Variants in AKT3 observed in about 807,000 individuals in gnomAD.
AKT3 encodes AKT serine/threonine kinase 3, also known as RAC-gamma serine/threonine-protein kinase.
In AKT3, 15 loss-of-function variants were observed where a neutral mutation model predicts 65.3. The ratio of observed to expected loss-of-function variants is 0.23; its 90% CI spans 0.15 to 0.35. The LOEUF (loss-of-function observed/expected upper bound fraction) is 0.35. Among genes scored for constraint, AKT3 ranks in the 10% least tolerant of loss-of-function variants. AKT3 has a pLI of 1.00. For missense variants in AKT3, 243 were observed against 576.5 expected (o/e 0.42, Z 5.92); for synonymous variants, 206 against 183.8 (o/e 1.12, Z -0.98).
At chr1:243,818,304 T>C (rs1693650301) in intron 2 of AKT3, 2 of 152,220 alleles carry the variant, frequency 1.3e-5, no homozygotes, top group Non-Finnish European at 2.9e-5. Flanking sequence ...TAGGTACTAT[T>C]ACCCCCATTT....
intron 8 of AKT3, among the ~76,000 whole-genome samples, chr1:243,606,274 G>A (rs1677405117): frequency 6.6e-6 from 1 of 152,188 alleles, no homozygotes; most frequent in Non-Finnish European, 1.5e-5. Flanking sequence ...AGTATGGAGG[G>A]CTCAAAAGAA....
chr1:243,806,238 A>G (rs1692719142), intron 2 of AKT3, among the ~76,000 whole-genome samples: 1 of 152,184 alleles, frequency 6.6e-6, no homozygotes, highest in African/African-American at 2.4e-5. Context: ...AAATGATTTT[A>G]GGTTGCTATG....
intron 3 of AKT3, among the ~76,000 whole-genome samples, chr1:243,689,127 C>A (rs1211905342): frequency 6.6e-6 from 1 of 152,134 alleles, no homozygotes; most frequent in Non-Finnish European, 1.5e-5. Flanking sequence ...CCTCCCACTG[C>A]TATATGTTCT....
chr1:243,672,662 C>T (rs1027692391), intron 3 of AKT3, among the ~76,000 whole-genome samples: 1 of 152,152 alleles, frequency 6.6e-6, no homozygotes, highest in Non-Finnish European at 1.5e-5. Flanking sequence ...ACATGAAATA[C>T]TATTTATGAA....
intron 2 of AKT3, among the ~76,000 whole-genome samples, chr1:243,821,659 A>C (rs1436277215): frequency 6.6e-6 from 1 of 152,248 alleles, no homozygotes; most frequent in Non-Finnish European, 1.5e-5. Flanking sequence ...ACAGACTTTA[A>C]ACCAACAAAG....
intron 2 of AKT3, among the ~76,000 whole-genome samples, chr1:243,831,240 A>T (rs1694488638): frequency 6.6e-6 from 1 of 152,188 alleles, no homozygotes; most frequent in Admixed American, 6.5e-5. Flanking sequence ...ACAAAATATA[A>T]AGTTGTATTA....
At chr1:243,592,192 G>A (rs562516151) in intron 8 of AKT3, among the ~76,000 whole-genome samples, 2 of 152,092 alleles carry the variant, frequency 1.3e-5, no homozygotes, top group East Asian at 3.9e-4. Flanking sequence ...AAAATTAGCT[G>A]GGCTTGGTGG....
intron 3 of AKT3, among the ~76,000 whole-genome samples, chr1:243,686,510 C>A (rs1305798478): frequency 6.6e-6 from 1 of 150,890 alleles, no homozygotes; most frequent in Non-Finnish European, 1.5e-5. Flanking sequence ...TTCCTCCTCA[C>A]TCCAATGTAA....
rs191578422 is a variant in AKT3 at position 243,535,218 on chromosome 1, T to C, written c.1251+10292A>G. 9.3e-5 allele frequency among the ~76,000 whole-genome samples: 14 copies of C among 151,132 alleles called. No individual in the cohort carries two copies. In the East Asian group the frequency reaches 2.7e-3, roughly 29 times the overall value. The stretch of plus-strand genomic sequence containing the variant: ...AATATATTTTAAAATTATTTTAAAA[T>C]ATATTTTAAAAATTTCAATAGCTTT... On this transcript the variant is annotated intron_variant, in intron 12 of 13. Coordinates refer to ENST00000673466, the MANE Select transcript of AKT3 (RefSeq NM_005465.7).
chr1:243,665,229 C>T (rs759269329), intron 3 of AKT3, among the ~76,000 whole-genome samples: 29 of 152,196 alleles, frequency 1.9e-4, no homozygotes, highest in Non-Finnish European at 2.9e-4. Flanking sequence ...CACAATAGTA[C>T]TGATCCTTGA....
intron 3 of AKT3, among the ~76,000 whole-genome samples, chr1:243,670,892 TAG>T (rs1051849709): frequency 2.0e-5 from 3 of 152,052 alleles, no homozygotes; most frequent in South Asian, 2.1e-4. Context: ...GAAACCCAAT[TAG>T]AGAGACTGCA....
At chr1:243,770,448 C>T (rs1033825035) in intron 2 of AKT3, among the ~76,000 whole-genome samples, 29 of 152,030 alleles carry the variant, frequency 1.9e-4, no homozygotes, top group Non-Finnish European at 3.5e-4. Context: ...AGAGCTCTTG[C>T]CATAGTATCA....
chr1:243,734,848 C>T (rs796090116), intron 2 of AKT3: 2 of 152,196 alleles, frequency 1.3e-5, no homozygotes, highest in South Asian at 2.1e-4. Context: ...TACAGCTGTA[C>T]AAAAGTATTT....
chr1:243,608,838 C>T (rs866533245), intron 8 of AKT3, among the ~76,000 whole-genome samples: 19 of 145,232 alleles, frequency 1.3e-4, no homozygotes, highest in Admixed American at 7.2e-5. Context: ...CTGCACCCTC[C>T]GCCTCCTGGG....
chr1:243,505,467 A>G, intron 13 of AKT3, 133 bp from the exon 14 acceptor site: 3 of 679,034 alleles, frequency 4.4e-6, no homozygotes, highest in Non-Finnish European at 7.7e-6. Flanking sequence ...TGTGTTCATC[A>G]ATAAGCTGTA....
At chr1:243,542,158 G>T (rs907130660) in intron 12 of AKT3, among the ~76,000 whole-genome samples, 8 of 152,146 alleles carry the variant, frequency 5.3e-5, no homozygotes, top group Non-Finnish European at 1.0e-4. Flanking sequence ...TTAGCAGACT[G>T]ACAGAGTGTA....
At chr1:243,745,090 T>G (rs1031740238) in intron 2 of AKT3, among the ~76,000 whole-genome samples, 3 of 151,980 alleles carry the variant, frequency 2.0e-5, no homozygotes, top group African/African-American at 7.3e-5. Context: ...AGGATTTTTT[T>G]GGGGTGGGGA....
intron 8 of AKT3, among the ~76,000 whole-genome samples, chr1:243,580,765 T>C (rs368853239): frequency 6.6e-6 from 1 of 152,182 alleles, no homozygotes; most frequent in African/African-American, 2.4e-5. Flanking sequence ...CCTGAGATTG[T>C]GGTGCAGTAG....
intron 3 of AKT3, among the ~76,000 whole-genome samples, chr1:243,692,683 A>T (rs1684772851): frequency 6.6e-6 from 1 of 152,060 alleles, no homozygotes; most frequent in Non-Finnish European, 1.5e-5. Flanking sequence ...GGTTGCAGTG[A>T]GCCAAGATCA....
Sources: allele counts gnomAD v4.1 joint callset (sites outside exome capture counted in the v4.1 genomes callset), GRCh38; gene constraint gnomAD v4.1.1; transcripts MANE v1.5; gene names NCBI Gene and HGNC (gene_info 2026-07-23, HGNC 2026-07-21).